Variants in NLGN4X observed in about 807,000 individuals in gnomAD.
NLGN4X encodes the protein neuroligin-4, X-linked.
NLGN4X carries 3 observed loss-of-function variants against 40.3 expected under a neutral mutation model. The observed-to-expected ratio is 0.07, with a 90% CI of 0.03 to 0.19. NLGN4X has a LOEUF of 0.19. Ranked by LOEUF, NLGN4X falls within the 10% of genes least tolerant of loss-of-function variation. The pLI is 1.00. For synonymous variants in NLGN4X, 270 were observed against 306.8 expected (o/e 0.88, Z 1.25); for missense variants, 382 against 708.3 (o/e 0.54, Z 5.23).
intron 2 of NLGN4X, among the ~76,000 whole-genome samples, chrX:6,117,920 G>A (rs1171591897): frequency 9.0e-6 from 1 of 110,896 alleles, no homozygotes. Context: ...AAGTGGGGCT[G>A]ATGATAGTCC....
intron 3 of NLGN4X, among the ~76,000 whole-genome samples, chrX:6,006,902 G>T (rs1274339907): frequency 1.8e-5 from 2 of 111,201 alleles, no homozygotes; most frequent in Non-Finnish European, 3.8e-5. Context: ...TTTCCCAAAT[G>T]ACTTAAGATA....
intron 3 of NLGN4X, among the ~76,000 whole-genome samples, chrX:5,968,111 T>C (rs2034887000): frequency 9.0e-6 from 1 of 110,891 alleles, no homozygotes; most frequent in South Asian, 3.9e-4. Flanking sequence ...TCAATACTTC[T>C]ACTTTTTTCA....
At chrX:5,998,301 T>G (rs2035885911) in intron 3 of NLGN4X, among the ~76,000 whole-genome samples, 1 of 107,463 alleles carries the variant, frequency 9.3e-6, no homozygotes, top group South Asian at 4.2e-4. Context: ...TCCCAGCTAC[T>G]CGGGAGGCTG....
intron 1 of NLGN4X, among the ~76,000 whole-genome samples, chrX:6,193,261 T>C (rs748063554): frequency 9.1e-6 from 1 of 109,359 alleles, no homozygotes; most frequent in African/African-American, 3.4e-5. Context: ...TGCAAAAAAT[T>C]AGCCGGGCGC....
At chrX:5,984,557 C>T (rs1372000610) in intron 3 of NLGN4X, among the ~76,000 whole-genome samples, 1 of 110,791 alleles carries the variant, frequency 9.0e-6, no homozygotes, top group Admixed American at 9.6e-5. Flanking sequence ...ATTAATAAAC[C>T]CCTAATGGTA....
At chrX:5,908,980 T>G in intron 4 of NLGN4X, 74 bp downstream of exon 4, 19 of 1,108,745 alleles carry the variant, frequency 1.7e-5, no homozygotes, top group Non-Finnish European at 2.3e-5. Context: ...GACATGCATC[T>G]GAGATATGAA....
At chrX:6,200,690 T>TTTTTTTTTCTTTC (rs1468742530) in intron 1 of NLGN4X, among the ~76,000 whole-genome samples, 8 of 88,480 alleles carry the variant, frequency 9.0e-5, no homozygotes, top group South Asian at 5.6e-4. Context: ...TCCTTTTCTT[T>TTTTTTTTTCTTTC]TTTTTTTTTT....
intron 3 of NLGN4X, among the ~76,000 whole-genome samples, chrX:5,914,636 GCATATATAAC>G (rs2032690185): frequency 1.0e-5 from 1 of 99,389 alleles, no homozygotes; most frequent in Non-Finnish European, 2.0e-5. Flanking sequence ...ATATATATAT[GCATATATAAC>G]CATATATATG....
intron 2 of NLGN4X, among the ~76,000 whole-genome samples, chrX:6,111,614 C>T (rs1360318056): frequency 2.7e-5 from 3 of 111,132 alleles, no homozygotes; most frequent in African/African-American, 9.8e-5. Flanking sequence ...GGGATGGTGG[C>T]ACACACGTAT....
intron 2 of NLGN4X, among the ~76,000 whole-genome samples, chrX:6,140,553 G>A (rs1427358667): frequency 9.2e-6 from 1 of 108,685 alleles, no homozygotes; most frequent in Non-Finnish European, 1.9e-5. Flanking sequence ...CGTCAGATAC[G>A]TAAAGTCTAA....
chrX:5,987,060 C>G (rs1286811993), intron 3 of NLGN4X, among the ~76,000 whole-genome samples: 3 of 111,459 alleles, frequency 2.7e-5, no homozygotes, highest in Non-Finnish European at 5.7e-5. Flanking sequence ...ACCTCAAACT[C>G]AAAATAATAA....
At chrX:6,047,339 G>A (rs374028936) in intron 2 of NLGN4X, among the ~76,000 whole-genome samples, 1 of 111,340 alleles carries the variant, frequency 9.0e-6, no homozygotes, top group Non-Finnish European at 1.9e-5. Flanking sequence ...TTAGCTGGTC[G>A]TGGGGTGTGC....
intron 1 of NLGN4X, among the ~76,000 whole-genome samples, chrX:6,160,783 A>G (rs1394142110): frequency 2.8e-5 from 3 of 109,066 alleles, no homozygotes; most frequent in Non-Finnish European, 3.8e-5. Context: ...GGCCTCCCAG[A>G]GTGCTGGGAT....
At chrX:5,905,071 C>CA (rs771243360) in intron 4 of NLGN4X, among the ~76,000 whole-genome samples, 5,789 of 80,582 alleles carry the variant, frequency 0.072, 364 homozygotes, top group African/African-American at 0.21. Flanking sequence ...TTAAAATGTC[C>CA]AAAAAAAAAA....
At chrX:6,060,193 G>C (rs777338208) in intron 2 of NLGN4X, among the ~76,000 whole-genome samples, 2 of 112,094 alleles carry the variant, frequency 1.8e-5, no homozygotes, top group Non-Finnish European at 3.8e-5. Context: ...TTTGAGGCCT[G>C]AGATCATAGA....
At chrX:6,135,439 G>A (rs996560582) in intron 2 of NLGN4X, among the ~76,000 whole-genome samples, 1 of 111,769 alleles carries the variant, frequency 8.9e-6, no homozygotes, top group Non-Finnish European at 1.9e-5. Flanking sequence ...CCATGAAGCA[G>A]CCATGCCATT....
At chrX:6,008,431 T>C (rs2036160085) in intron 3 of NLGN4X, among the ~76,000 whole-genome samples, 1 of 112,177 alleles carries the variant, frequency 8.9e-6, no homozygotes, top group African/African-American at 3.2e-5. Context: ...TGGATGAACC[T>C]TGTAAACCTT....
intron 4 of NLGN4X, among the ~76,000 whole-genome samples, chrX:5,904,577 C>T (rs1442247713): frequency 2.7e-5 from 3 of 112,131 alleles, no homozygotes; most frequent in African/African-American, 9.7e-5. Flanking sequence ...TATAAAAATG[C>T]TCCACTTGCT....
At chrX:6,055,877 A>G (rs769539278) in intron 2 of NLGN4X, among the ~76,000 whole-genome samples, 1 of 111,691 alleles carries the variant, frequency 9.0e-6, no homozygotes, top group Non-Finnish European at 1.9e-5. Flanking sequence ...GATTTGTTGA[A>G]TTCTTTAATT....
Sources: gnomAD v4.1 joint callset for allele counts (sites outside exome capture counted in the v4.1 genomes callset) on GRCh38, gnomAD v4.1.1 for gene constraint, MANE v1.5 for transcripts, NCBI Gene and HGNC (gene_info 2026-07-23, HGNC 2026-07-21) for gene names.